SH3KBP1: variants seen among roughly 807,000 people sequenced by gnomAD.
The protein encoded by SH3KBP1 is SH3 domain-containing kinase-binding protein 1.
Under a neutral mutation model 50.1 loss-of-function variants are expected in SH3KBP1, and 8 were observed. That is an observed-to-expected ratio of 0.16 (90% CI 0.09 to 0.29). The LOEUF is 0.29. Among genes scored for constraint, SH3KBP1 ranks in the 10% least tolerant of loss-of-function variants. The pLI, the probability that SH3KBP1 is intolerant of heterozygous loss-of-function variation, is 1.00. For synonymous variants in SH3KBP1, 227 were observed against 218.6 expected, an observed-to-expected ratio of 1.04 and a Z score of -0.34; for missense variants, 377 against 535.2, an observed-to-expected ratio of 0.70 and a Z score of 2.92.
intron 8 of SH3KBP1, among the ~76,000 whole-genome samples, chrX:19,617,689 G>A (rs1019518750): frequency 5.4e-5 from 6 of 111,572 alleles, no homozygotes; most frequent in East Asian, 2.8e-4. Context: ...AGATAATGGC[G>A]CACACATAAA....
intron 6 of SH3KBP1, among the ~76,000 whole-genome samples, chrX:19,682,399 T>C (rs1268065732): frequency 1.0e-5 from 1 of 99,494 alleles, no homozygotes; most frequent in Non-Finnish European, 2.0e-5. Flanking sequence ...ACAAAGAAGA[T>C]AAAGGCCAGG....
chrX:19,549,252 AT>A (rs371900573), intron 14 of SH3KBP1, among the ~76,000 whole-genome samples: 1,430 of 110,152 alleles, frequency 0.013, 24 homozygotes, highest in African/African-American at 0.045. Flanking sequence ...TATACAAATA[AT>A]TTTTTTTTAA....
intron 13 of SH3KBP1, among the ~76,000 whole-genome samples, chrX:19,554,386 A>G (rs976316645): frequency 1.0e-5 from 1 of 97,619 alleles, no homozygotes; most frequent in Non-Finnish European, 2.0e-5. Flanking sequence ...AATATATATC[A>G]TATTAAAATA....
intron 15 of SH3KBP1, among the ~76,000 whole-genome samples, chrX:19,543,389 A>T: frequency 9.0e-6 from 1 of 110,966 alleles, no homozygotes; most frequent in Non-Finnish European, 1.9e-5. Flanking sequence ...AGAGGGGAGG[A>T]AGAGGGGATG....
chrX:19,672,506 C>T (rs1415513088), intron 6 of SH3KBP1, among the ~76,000 whole-genome samples: 4 of 112,235 alleles, frequency 3.6e-5, no homozygotes, highest in Admixed American at 9.4e-5. Flanking sequence ...GAGAGCACTT[C>T]ACCTCTGTGG....
intron 3 of SH3KBP1, among the ~76,000 whole-genome samples, chrX:19,734,150 C>T (rs2037017069): frequency 1.8e-5 from 2 of 111,921 alleles, no homozygotes; most frequent in African/African-American, 3.3e-5. Flanking sequence ...TTCTACGAAG[C>T]ACAGAATTTA....
At position 19,694,954 on chromosome X, in the gene SH3KBP1, T is replaced by C. The variant is rs2063381285; in HGVS notation, c.520+658A>G. The C allele has an allele frequency of 2.7e-6, 3 of 1,114,297 alleles. No individual in the cohort carries two copies. In the African/African-American group the frequency reaches 5.4e-5, roughly 20 times the overall value. The allele number at this position is 1,114,297 out of a possible 1,213,427, so 91.8% of individuals were successfully genotyped here. A position where few individuals can be genotyped will look rare whatever the true frequency, so the allele number is the denominator to read the frequency against. ...ACAAGAGATACACAGACGCCCACAG[T>C]TGGGTTAGTGACTGGGAGAACGAAG... On this transcript the variant is annotated intron_variant, in intron 5 of 17. Transcript: ENST00000397821.
chrX:19,601,149 G>C (rs774888208), intron 9 of SH3KBP1, among the ~76,000 whole-genome samples: 2 of 112,108 alleles, frequency 1.8e-5, no homozygotes, highest in African/African-American at 3.2e-5. Context: ...GTGTCTGCTT[G>C]TGTGCGGGGT....
In SH3KBP1 at chrX:19,826,296, T is replaced by C. The variant is rs144953499; in HGVS notation, c.162+9829A>G. Among the ~76,000 whole-genome samples, 3 of 111,997 alleles carry C rather than the reference T, an allele frequency of 2.7e-5. No individual in the cohort carries two copies. The East Asian group carries it at 8.4e-4, about 31-fold the overall frequency. On this transcript the variant is annotated intron_variant, in intron 2 of 17. Transcript: ENST00000397821. Reference sequence around the variant, plus strand: ...ATTCAGTCCATCTCATTTGAGTTTATATCCTCTGGTGCCTAACACACAGCA... The same window carrying C: ...ATTCAGTCCATCTCATTTGAGTTTACATCCTCTGGTGCCTAACACACAGCA...
At chrX:19,705,207 G>A (rs759194386) in intron 4 of SH3KBP1, among the ~76,000 whole-genome samples, 10 of 111,774 alleles carry the variant, frequency 8.9e-5, no homozygotes, top group Admixed American at 1.9e-4. Flanking sequence ...CTGTGTTTAT[G>A]GCAAATTTAT....
intron 16 of SH3KBP1, among the ~76,000 whole-genome samples, chrX:19,538,099 C>T (rs2064772219): frequency 9.0e-6 from 1 of 111,482 alleles, no homozygotes; most frequent in Admixed American, 9.5e-5. Context: ...CTGACTTGCC[C>T]AATTACTAGA....
chrX:19,550,031 C>T lies in SH3KBP1; in HGVS notation c.1437G>A (p.Pro479=), dbSNP rs372371711. Residue 479 remains proline (P), a synonymous_variant, in exon 14 of 18, where the codon CCG becomes CCA. Transcript: ENST00000397821. ...CTGTAGCTTTTGGTCTGCTTGTGGT[C>T]GGATGACTGAGTTTCTCAGTAGATG... ...VVSSTEKLSH[P]TTSRPKATGR... 8.3e-7 allele frequency: 1 copy of T among 1,208,463 alleles called. No homozygotes were observed.
At chrX:19,791,519 C>T (rs1245013456) in intron 2 of SH3KBP1, among the ~76,000 whole-genome samples, 1 of 75,043 alleles carries the variant, frequency 1.3e-5, no homozygotes, top group Non-Finnish European at 2.4e-5. Flanking sequence ...TACAAGCATA[C>T]AAAAATCCTA....
At chrX:19,796,934 A>C (rs376760170) in intron 2 of SH3KBP1, among the ~76,000 whole-genome samples, 7 of 112,327 alleles carry the variant, frequency 6.2e-5, no homozygotes, top group East Asian at 2.8e-4. Flanking sequence ...GACTGGCTCT[A>C]TCAGCTTGCA....
At chrX:19,856,987 G>GTTTTTTTTTTTTTTTTTT (rs2068666009) in intron 1 of SH3KBP1, among the ~76,000 whole-genome samples, 1 of 19,877 alleles carries the variant, frequency 5.0e-5, no homozygotes, top group Non-Finnish European at 8.5e-5. Context: ...TTTTTTTTTT[G>GTTTTTTTTTTTTTTTTTT]CTTAGTGGAG....
intron 2 of SH3KBP1, among the ~76,000 whole-genome samples, chrX:19,821,461 T>TA (rs757213471): frequency 8.7e-4 from 98 of 112,130 alleles, no homozygotes; most frequent in African/African-American, 2.8e-3. Context: ...TCCCTATTTT[T>TA]ACCCATTTGC....
chrX:19,665,931 T>C (rs1439687394), intron 6 of SH3KBP1, among the ~76,000 whole-genome samples: 2 of 111,858 alleles, frequency 1.8e-5, no homozygotes, highest in East Asian at 5.6e-4. Context: ...ATGATAGTTT[T>C]AATGGCCAAA....
chrX:19,805,458 C>T (rs1356409600), intron 2 of SH3KBP1, among the ~76,000 whole-genome samples: 2 of 108,500 alleles, frequency 1.8e-5, no homozygotes, highest in Non-Finnish European at 3.8e-5. Context: ...GCTTATTTCC[C>T]TTGTTCAAAT....
chrX:19,774,496 C>G (rs1332140360), intron 2 of SH3KBP1, among the ~76,000 whole-genome samples: 6 of 108,953 alleles, frequency 5.5e-5, no homozygotes, highest in African/African-American at 2.0e-4. Flanking sequence ...ACGGTGAAAC[C>G]CCGTCTCTAC....
Sources: gnomAD v4.1 joint callset for allele counts (sites outside exome capture counted in the v4.1 genomes callset) on GRCh38, gnomAD v4.1.1 for gene constraint, MANE v1.5 for transcripts, NCBI Gene and HGNC (gene_info 2026-07-23, HGNC 2026-07-21) for gene names.